The following PCNX1 variants were observed in gnomAD, a reference collection of about 807,000 sequenced individuals.
The protein encoded by PCNX1 is pecanex 1, also known as pecanex-like protein 1.
PCNX1 carries 78 observed loss-of-function variants against 242.2 expected under a neutral mutation model. The observed-to-expected ratio is 0.32, with a 90% CI of 0.27 to 0.39. PCNX1 has a LOEUF of 0.39. Ranked by LOEUF, PCNX1 falls within the 10% of genes least tolerant of loss-of-function variation. The pLI is 1.00. For missense variants in PCNX1, 2,581 were observed against 2,856.5 expected, an observed-to-expected ratio of 0.90 and a Z score of 2.20; for synonymous variants, 1,024 against 1,032.9, an observed-to-expected ratio of 0.99 and a Z score of 0.17.
intron 1 of PCNX1, among the ~76,000 whole-genome samples, chr14:70,921,682 A>T (rs928272059): frequency 2.0e-5 from 3 of 152,158 alleles, no homozygotes; most frequent in African/African-American, 7.2e-5. Flanking sequence ...CAATTTCTGT[A>T]TATGAAGATT....
intron 3 of PCNX1, among the ~76,000 whole-genome samples, chr14:70,966,077 C>T (rs1197708943): frequency 6.6e-6 from 1 of 152,018 alleles, no homozygotes; most frequent in Non-Finnish European, 1.5e-5. Context: ...AAGTGTTTTT[C>T]TACAGTGACA....
rs142236436 is a variant in PCNX1, at chr14:70,998,694, T to A, written c.2629+2769T>A. ...TGAATCTGGGAGGCGGAGGTTGCAGTGAACCAAGATTGCGCCGCTGTACTC... is the reference window on the plus strand; with the variant it reads ...TGAATCTGGGAGGCGGAGGTTGCAGAGAACCAAGATTGCGCCGCTGTACTC... On this transcript the variant is annotated intron_variant, in intron 8 of 35. Coordinates refer to ENST00000304743, the MANE Select transcript of PCNX1 (RefSeq NM_014982.3). Among the ~76,000 whole-genome samples the A allele has an allele frequency of 5.6e-3, 796 of 141,774 alleles. 11 individuals are homozygous for A. Among genetic ancestry groups the A allele is most frequent in the African/African-American group, 0.02 (743 of 37,896 alleles). 93.0% of individuals were successfully genotyped at this position (141,774 alleles called of 152,430 possible).
chr14:70,929,985 T>C (rs1816274441), intron 1 of PCNX1, among the ~76,000 whole-genome samples: 1 of 152,226 alleles, frequency 6.6e-6, no homozygotes, highest in Non-Finnish European at 1.5e-5. Context: ...AATTCTATAA[T>C]GTACATAAGA....
chr14:71,039,058 T>C (rs1285847769), intron 19 of PCNX1, among the ~76,000 whole-genome samples: 1 of 151,162 alleles, frequency 6.6e-6, no homozygotes, highest in Non-Finnish European at 1.5e-5. Flanking sequence ...AACATCACAC[T>C]CTGGGGACTG....
At chr14:70,939,704 G>T (rs939478773) in intron 1 of PCNX1, among the ~76,000 whole-genome samples, 1 of 152,152 alleles carries the variant, frequency 6.6e-6, no homozygotes, top group Non-Finnish European at 1.5e-5. Flanking sequence ...TTTCTGTCTC[G>T]TTGATCTGTC....
In PCNX1 at chr14:71,078,121, C is replaced by T. The variant is rs4899381; in HGVS notation, c.5337+1702C>T. 8.6e-3 allele frequency among the ~76,000 whole-genome samples: 1,314 copies of T among 152,308 alleles called. 26 individuals are homozygous for T. Among genetic ancestry groups the T allele is most frequent in the African/African-American group, 0.03 (1,240 of 41,566 alleles). On this transcript the variant is annotated intron_variant, in intron 28 of 35. Coordinates refer to ENST00000304743, the MANE Select transcript of PCNX1 (RefSeq NM_014982.3). Reference sequence around the variant, plus strand: ...CATCAGGTAGCTTATTTCACTAATCCTGGTCTGTTTTGTTTTCTACTCTTA... The same window carrying T: ...CATCAGGTAGCTTATTTCACTAATCTTGGTCTGTTTTGTTTTCTACTCTTA...
chr14:70,991,033 G>T (rs567499536), intron 7 of PCNX1, among the ~76,000 whole-genome samples: 4 of 151,952 alleles, frequency 2.6e-5, no homozygotes, highest in East Asian at 1.9e-4. Flanking sequence ...GAGCCTGCTG[G>T]ATACCACTTA....
intron 26 of PCNX1, among the ~76,000 whole-genome samples, chr14:71,066,156 AG>A (rs1216929936): frequency 6.6e-6 from 1 of 152,194 alleles, no homozygotes; most frequent in Non-Finnish European, 1.5e-5. Context: ...GAAGAAAGTC[AG>A]TGGCAGCTTG....
intron 31 of PCNX1, 122 bp downstream of exon 31, chr14:71,102,342 T>C (rs1335806346): frequency 1.5e-6 from 1 of 646,946 alleles, no homozygotes; most frequent in African/African-American, 1.8e-5. Flanking sequence ...GGCATGATCA[T>C]GGGCTTACTG....
rs758463858 is a variant in PCNX1 at position 71,033,458 on chromosome 14, A to G, written c.3588A>G (p.Val1196=). 6.8e-6 allele frequency: 11 copies of G among 1,605,926 alleles called. No homozygotes were observed. Among genetic ancestry groups the G allele is most frequent in the Non-Finnish European group, 9.4e-6 (11 of 1,173,024 alleles). Residue 1196 remains valine, a synonymous_variant, in exon 17 of 36, where the codon GTA becomes GTG. Coordinates refer to ENST00000304743, the MANE Select transcript of PCNX1 (RefSeq NM_014982.3). ...CTTGGGATGGCCAGCATATTCCAGT[A>G]CTTTTCTCCATTTTTTGTGGTTTAT... The part of the protein sequence containing the change: ...KDSWDGQHIP[V]LFSIFCGLLV...
At position 71,019,086 on chromosome 14, in the gene PCNX1, T is replaced by A; in HGVS notation, c.3074T>A (p.Ile1025Lys). The change falls in exon 12 of 36, where the codon ATA becomes AAA. Residue 1025 changes from isoleucine to lysine, a missense_variant. Physicochemically the swap from Ile to Lys is moderately radical, Grantham distance 102. This residue lies in a region of PCNX1 where 55 missense variants were observed against 49.8 expected (regional missense o/e 1.10). Transcript: ENST00000304743. ...GCCTTTTTGGGATCTATTCTTCTCATACAAGGATTCTTCAGAGATATCTGG... is the reference window on the plus strand; with the variant it reads ...GCCTTTTTGGGATCTATTCTTCTCAAACAAGGATTCTTCAGAGATATCTGG... ...LVAFLGSILLIQGFFRDIWVF... is the reference protein window; with the variant it reads ...LVAFLGSILLKQGFFRDIWVF... 6.2e-7 allele frequency: 1 copy of A among 1,613,536 alleles called. No homozygotes were observed. The highest frequency in any genetic ancestry group is 8.5e-7 in the Non-Finnish European group (1 of 1,179,588).
rs1566808859 is a variant in PCNX1, at chr14:70,910,189, C to G, written c.153+2186C>G. On this transcript the variant is annotated intron_variant, in intron 1 of 35. Coordinates refer to ENST00000304743, the MANE Select transcript of PCNX1 (RefSeq NM_014982.3). ...CCTCCTCCTCCTCCTCCTCCTCCTC[C>G]TCCTCCTCCTCCTCCTCGTCCTCCT... Among the ~76,000 whole-genome samples the G allele has an allele frequency of 1.8e-4, 7 of 39,638 alleles. 1 individual carries two copies. Among genetic ancestry groups the G allele is most frequent in the African/African-American group, 3.0e-4 (3 of 9,976 alleles). The allele number at this position is 39,638 out of a possible 152,430, so 26.0% of individuals were successfully genotyped here.
At chr14:70,917,680 T>C (rs941976522) in intron 1 of PCNX1, among the ~76,000 whole-genome samples, 3 of 152,216 alleles carry the variant, frequency 2.0e-5, no homozygotes, top group African/African-American at 7.2e-5. Context: ...TCTTAAGGGC[T>C]CTTGGATTTT....
intron 11 of PCNX1, among the ~76,000 whole-genome samples, chr14:71,017,036 ATG>A (rs1313528650): frequency 5.3e-5 from 8 of 152,230 alleles, no homozygotes; most frequent in African/African-American, 1.9e-4. Context: ...AACATCAAGA[ATG>A]TGAGTTATGA....
chr14:70,930,776 G>GA (rs1260117882), intron 1 of PCNX1, among the ~76,000 whole-genome samples: 2 of 146,572 alleles, frequency 1.4e-5, no homozygotes, highest in African/African-American at 2.5e-5. Context: ...AGAATATTAT[G>GA]TTTTTTTTTT....
rs542047168 is a variant in PCNX1, at chr14:71,011,903, A to G, written c.2778+354A>G. 3 of 201,004 alleles carry G rather than the reference A, an allele frequency of 1.5e-5. No individual in the cohort carries two copies. In the South Asian group the frequency reaches 2.8e-4, roughly 19 times the overall value. The allele number at this position is 201,004 out of a possible 1,614,324, so 12.5% of individuals were successfully genotyped here. Reference sequence around the variant, plus strand: ...GTAAAACCCTCCCTACTTTTTGGCTATAGTGTATTCCTGGAAACTGCATAG... The same window carrying G: ...GTAAAACCCTCCCTACTTTTTGGCTGTAGTGTATTCCTGGAAACTGCATAG... On this transcript the variant is annotated intron_variant, in intron 10 of 35. Coordinates refer to ENST00000304743, the MANE Select transcript of PCNX1 (RefSeq NM_014982.3).
intron 1 of PCNX1, among the ~76,000 whole-genome samples, chr14:70,911,457 A>G (rs997317950): frequency 1.3e-5 from 2 of 152,256 alleles, no homozygotes; most frequent in Non-Finnish European, 2.9e-5. Flanking sequence ...GTGAAAATGA[A>G]GAAAAAATTT....
At chr14:70,958,291 G>A (rs2058067275) in intron 2 of PCNX1, among the ~76,000 whole-genome samples, 1 of 152,114 alleles carries the variant, frequency 6.6e-6, no homozygotes, top group Admixed American at 6.6e-5. Context: ...CTTAGAGTTA[G>A]GAACCTGTTA....
At chr14:70,925,895 C>G (rs1040732420) in intron 1 of PCNX1, among the ~76,000 whole-genome samples, 1 of 151,468 alleles carries the variant, frequency 6.6e-6, no homozygotes, top group Non-Finnish European at 1.5e-5. Context: ...CCATAGCCAC[C>G]TTCCATCACC....
Sources: gnomAD v4.1 joint callset for allele counts (sites outside exome capture counted in the v4.1 genomes callset) on GRCh38, gnomAD v4.1.1 for gene constraint, gnomAD v4.1.1 regional missense constraint, MANE v1.5 for transcripts, NCBI Gene and HGNC (gene_info 2026-07-23, HGNC 2026-07-21) for gene names.